Variants in NAA50 observed in about 807,000 individuals in gnomAD.
NAA50 encodes the protein N-alpha-acetyltransferase 50.
A neutral mutation model predicts 20.7 loss-of-function variants in NAA50; 7 were observed. The ratio of observed to expected loss-of-function variants is 0.34; its 90% CI spans 0.19 to 0.63. NAA50 has a LOEUF of 0.63. Among genes scored for constraint, NAA50 ranks in the 30% least tolerant of loss-of-function variants. The probability of loss-of-function intolerance (pLI) is 0.75; values close to 1 mark genes in which losing one functional copy is unlikely to be tolerated. For missense variants in NAA50, 111 were observed against 199.1 expected, an observed-to-expected ratio of 0.56 and a Z score of 2.66; for synonymous variants, 54 against 70.6, an observed-to-expected ratio of 0.77 and a Z score of 1.18.
chr3:113,727,579 A>T (rs753897849), intron 1 of NAA50, among the ~76,000 whole-genome samples: 27 of 152,112 alleles, frequency 1.8e-4, no homozygotes, highest in Non-Finnish European at 3.1e-4. Context: ...ATATTGAACC[A>T]TTAGGAAATA....
In NAA50 at chr3:113,718,925, A is replaced by G. The variant is rs551553510; in HGVS notation, c.*2835T>C. The G allele has an allele frequency of 6.5e-6, 1 of 152,732 alleles. No individual in the cohort carries two copies. The highest frequency in any genetic ancestry group is 1.9e-4 in the East Asian group (1 of 5,190). The allele number at this position is 152,732 out of a possible 1,614,324, so 9.5% of individuals were successfully genotyped here. A position where few individuals can be genotyped will look rare whatever the true frequency, so the allele number is the denominator to read the frequency against. ...GCAGTAAGGGAAACACTACACAATG[A>G]GTATGTACGGTTGCTGGCTGCAGAA... On this transcript the variant is annotated 3_prime_UTR_variant, in exon 5 of 5. Transcript: ENST00000240922.
chr3:113,735,029 C>T (rs1398637624), intron 1 of NAA50, among the ~76,000 whole-genome samples: 2 of 152,144 alleles, frequency 1.3e-5, no homozygotes, highest in East Asian at 3.8e-4. Context: ...TAACACATTG[C>T]TTTGACAGCT....
intron 1 of NAA50, among the ~76,000 whole-genome samples, chr3:113,728,418 T>C (rs1708228023): frequency 1.3e-5 from 2 of 152,222 alleles, no homozygotes; most frequent in African/African-American, 4.8e-5. Flanking sequence ...ACTAACAGTG[T>C]ATGTACATAT....
intron 4 of NAA50, 93 bp from the exon 5 acceptor site, chr3:113,722,030 A>AT: frequency 1.7e-6 from 2 of 1,185,426 alleles, no homozygotes; most frequent in Admixed American, 5.1e-5. Context: ...CATCTGTTAC[A>AT]TTCTCTTTAC....
At chr3:113,729,681 C>A (rs1393575373) in intron 1 of NAA50, among the ~76,000 whole-genome samples, 3 of 151,738 alleles carry the variant, frequency 2.0e-5, no homozygotes, top group Admixed American at 2.0e-4. Flanking sequence ...TAGCTGAGAC[C>A]TCAAATGCAT....
At chr3:113,745,175 C>G (rs1423908142) in intron 1 of NAA50, among the ~76,000 whole-genome samples, 1 of 152,128 alleles carries the variant, frequency 6.6e-6, no homozygotes, top group Non-Finnish European at 1.5e-5. Flanking sequence ...CAAAATAATT[C>G]CTAATTTTAC....
chr3:113,735,894 G>A (rs1708334582), intron 1 of NAA50, among the ~76,000 whole-genome samples: 1 of 152,190 alleles, frequency 6.6e-6, no homozygotes, highest in Non-Finnish European at 1.5e-5. Flanking sequence ...TGTTGGCCAG[G>A]CTGGTCTCCA....
rs1346684031 is a variant in NAA50, at chr3:113,719,127, G to A, written c.*2633C>T. 4 of 152,548 alleles carry A rather than the reference G, an allele frequency of 2.6e-5. No homozygotes were observed. The East Asian group carries it at 7.7e-4, about 29-fold the overall frequency. 9.4% of individuals were successfully genotyped at this position (152,548 alleles called of 1,614,324 possible). A position where few individuals can be genotyped will look rare whatever the true frequency, so the allele number is the denominator to read the frequency against. On this transcript the variant is annotated 3_prime_UTR_variant, in exon 5 of 5. Transcript: ENST00000240922. ...TTATTCCCTCCAAAAAACTGAGGGA[G>A]CTTTTCTTTTCCACCACCACACCAT... is the stretch of plus-strand genomic sequence containing the variant.
chr3:113,727,072 G>GCT (rs1288270108), intron 1 of NAA50, among the ~76,000 whole-genome samples: 2 of 152,190 alleles, frequency 1.3e-5, no homozygotes, highest in African/African-American at 4.8e-5. Flanking sequence ...GCCTACAGGC[G>GCT]TGAGCCACTG....
intron 1 of NAA50, among the ~76,000 whole-genome samples, chr3:113,727,051 C>G (rs986470835): frequency 1.3e-5 from 2 of 152,202 alleles, no homozygotes; most frequent in Admixed American, 6.5e-5. Flanking sequence ...CTTGGCCTAC[C>G]AAAGTGCTGG....
rs1226242153 is a variant in NAA50, at chr3:113,746,215, C to A, written c.-266G>T. 8.1e-6 allele frequency: 4 copies of A among 496,248 alleles called. No individual in the cohort carries two copies. Among genetic ancestry groups the A allele is most frequent in the Non-Finnish European group, 1.4e-5 (4 of 282,184 alleles). The allele number at this position is 496,248 out of a possible 1,614,324, so 30.7% of individuals were successfully genotyped here. On this transcript the variant is annotated 5_prime_UTR_variant, in exon 1 of 5. Transcript: ENST00000240922. ...TCTCTCGGCTCCCTCCCGCCGCTGCCGCCAGCCAGACCCGCTGCCGCGCTG... is the reference window on the plus strand; with the variant it reads ...TCTCTCGGCTCCCTCCCGCCGCTGCAGCCAGCCAGACCCGCTGCCGCGCTG...
intron 1 of NAA50, among the ~76,000 whole-genome samples, chr3:113,726,181 T>TAAAC (rs574695719): frequency 1.6e-4 from 25 of 152,276 alleles, no homozygotes; most frequent in Admixed American, 9.8e-4. Flanking sequence ...ACAGATTAAA[T>TAAAC]AAACAAACAT....
At chr3:113,736,738 G>A (rs1218543603) in intron 1 of NAA50, among the ~76,000 whole-genome samples, 1 of 152,010 alleles carries the variant, frequency 6.6e-6, no homozygotes, top group Non-Finnish European at 1.5e-5. Context: ...ATTGCCCAGG[G>A]GCCTTGAACT....
Position 113,717,604 on chromosome 3 carries a change from A to G in NAA50, c.*4156T>C, listed in dbSNP as rs1056338094. ...CCAATTCAGGACACTGCCATAGAAA[A>G]TATTTACTCCCTGAAAAACTTCTAT... On this transcript the variant is annotated 3_prime_UTR_variant, in exon 5 of 5. Coordinates refer to ENST00000240922, the MANE Select transcript of NAA50 (RefSeq NM_025146.4). 7 of 152,156 alleles carry G rather than the reference A, an allele frequency of 4.6e-5. No homozygotes were observed. Among genetic ancestry groups the G allele is most frequent in the Non-Finnish European group, 1.0e-4 (7 of 68,028 alleles). The allele number at this position is 152,156 out of a possible 1,614,324, so 9.4% of individuals were successfully genotyped here. A position where few individuals can be genotyped will look rare whatever the true frequency, so the allele number is the denominator to read the frequency against.
chr3:113,741,317 A>G (rs1708411699), intron 1 of NAA50: 2 of 344,122 alleles, frequency 5.8e-6, no homozygotes, highest in Non-Finnish European at 1.1e-5. Flanking sequence ...CTCAATCGCC[A>G]ACTGTAGCTA....
At position 113,745,966 on chromosome 3, in the gene NAA50, G is replaced by C. The variant is rs1708492213; in HGVS notation, c.-17C>G. On this transcript the variant is annotated 5_prime_UTR_variant, in exon 1 of 5. Transcript: ENST00000240922. ...CCCTTTCATCTTCCCCGCCTGCTGA[G>C]GCCGTCGTTACCACCGATATCAACG... 2 of 1,605,564 alleles carry C rather than the reference G, an allele frequency of 1.2e-6. No individual in the cohort carries two copies. Among genetic ancestry groups the C allele is most frequent in the African/African-American group, 2.7e-5 (2 of 74,738 alleles).
chr3:113,716,771 TCA>T lies in NAA50; in HGVS notation c.*4987_*4988del, dbSNP rs1708055120. The stretch of plus-strand genomic sequence containing the variant: ...ATTAAAGCTATGTGGCAAATTAGTT[TCA>T]GTTAAATCAGGAATATCTAATACAA... On this transcript the variant is annotated 3_prime_UTR_variant, in exon 5 of 5. Coordinates refer to ENST00000240922, the MANE Select transcript of NAA50 (RefSeq NM_025146.4). 6.6e-6 allele frequency: 1 copy of T among 152,200 alleles called. No individual in the cohort carries two copies. The highest frequency in any genetic ancestry group is 1.5e-5 in the Non-Finnish European group (1 of 68,032). The allele number at this position is 152,200 out of a possible 1,614,324, so 9.4% of individuals were successfully genotyped here.
intron 1 of NAA50, among the ~76,000 whole-genome samples, chr3:113,743,882 T>C (rs1366399177): frequency 6.6e-6 from 1 of 152,236 alleles, no homozygotes; most frequent in Non-Finnish European, 1.5e-5. Context: ...TCCATGAATA[T>C]ATTAATTCAA....
At chr3:113,725,964 G>T (rs1471470300) in intron 1 of NAA50, among the ~76,000 whole-genome samples, 1 of 152,268 alleles carries the variant, frequency 6.6e-6, no homozygotes, top group African/African-American at 2.4e-5. Context: ...CCCTATTTAA[G>T]TAGTCTGTAT....
Sources: allele counts gnomAD v4.1 joint callset (sites outside exome capture counted in the v4.1 genomes callset), GRCh38; gene constraint gnomAD v4.1.1; transcripts MANE v1.5; gene names NCBI Gene and HGNC (gene_info 2026-07-23, HGNC 2026-07-21).